The following RAB11FIP4 variants were observed in gnomAD, a reference collection of about 807,000 sequenced individuals.
RAB11FIP4 encodes rab11 family-interacting protein 4.
In RAB11FIP4, 23 loss-of-function variants were observed where a neutral mutation model predicts 74.3. That is an observed-to-expected ratio of 0.31 (90% confidence interval 0.22 to 0.44). RAB11FIP4 has a LOEUF of 0.44. Ranked by LOEUF, RAB11FIP4 falls within the 20% of genes least tolerant of loss-of-function variation. RAB11FIP4 has a pLI of 1.00. For missense variants in RAB11FIP4, 630 were observed against 863.9 expected (o/e 0.73, Z 3.39); for synonymous variants, 360 against 359.9 (o/e 1.00, Z 0.00).
At chr17:31,447,792 G>C (rs1187926066) in intron 3 of RAB11FIP4, among the ~76,000 whole-genome samples, 8 of 152,086 alleles carry the variant, frequency 5.3e-5, no homozygotes, top group Non-Finnish European at 8.8e-5. Context: ...CAAATTGCTG[G>C]GATTACAGGC....
intron 3 of RAB11FIP4, among the ~76,000 whole-genome samples, chr17:31,461,127 C>T (rs1039985462): frequency 2.6e-5 from 4 of 151,558 alleles, no homozygotes; most frequent in African/African-American, 7.3e-5. Flanking sequence ...CCCCCTGACT[C>T]CCACCCTTAG....
rs112130736 is a variant in RAB11FIP4, at chr17:31,417,817, G to T, written c.160-13996G>T. On this transcript the variant is annotated intron_variant, in intron 1 of 14. Transcript: ENST00000621161. ...GATCTGATTTTTCAAGAAAAGCCAG[G>T]GGCTGGGCATGGGGGCTATGCCTGT... Among the ~76,000 whole-genome samples the T allele has an allele frequency of 2.6e-3, 402 of 152,332 alleles. 4 individuals carry two copies. Among genetic ancestry groups the T allele is most frequent in the African/African-American group, 8.7e-3 (363 of 41,568 alleles).
intron 3 of RAB11FIP4, among the ~76,000 whole-genome samples, chr17:31,516,597 G>A (rs967574608): frequency 1.3e-5 from 2 of 152,224 alleles, no homozygotes; most frequent in Non-Finnish European, 2.9e-5. Context: ...AGCCTCCCGA[G>A]TAGCTGGGAC....
intron 3 of RAB11FIP4, among the ~76,000 whole-genome samples, chr17:31,463,803 C>CT (rs60955293): frequency 0.016 from 536 of 32,818 alleles, 95 homozygotes; most frequent in East Asian, 0.11. Context: ...TGCGCCTGGA[C>CT]TTTTTTTTTT....
chr17:31,426,376 G>A (rs2071249704), intron 1 of RAB11FIP4, among the ~76,000 whole-genome samples: 1 of 152,066 alleles, frequency 6.6e-6, no homozygotes, highest in South Asian at 2.1e-4. Context: ...TTAAAATGGG[G>A]GACTATAATA....
intron 1 of RAB11FIP4, among the ~76,000 whole-genome samples, chr17:31,430,353 T>A (rs2071296527): frequency 1.5e-5 from 1 of 65,612 alleles, no homozygotes; most frequent in Non-Finnish European, 2.8e-5. Context: ...GGAGTTTGGA[T>A]TTTTTTTTTT....
intron 1 of RAB11FIP4, among the ~76,000 whole-genome samples, chr17:31,421,208 G>A (rs1035045556): frequency 6.6e-6 from 1 of 151,740 alleles, no homozygotes; most frequent in African/African-American, 2.4e-5. Context: ...TTTTTTGCTT[G>A]TTTTAAAATT....
intron 1 of RAB11FIP4, among the ~76,000 whole-genome samples, chr17:31,419,032 G>T (rs1467855802): frequency 6.6e-6 from 1 of 152,118 alleles, no homozygotes; most frequent in Non-Finnish European, 1.5e-5. Context: ...GAATCATACA[G>T]TTTGTAACCT....
At chr17:31,434,204 G>A in intron 3 of RAB11FIP4, 82 bp downstream of exon 3, 1 of 1,201,000 alleles carries the variant, frequency 8.3e-7, no homozygotes, top group Non-Finnish European at 1.2e-6. Context: ...TTCAGTATCT[G>A]GGAGGACCCA....
intron 3 of RAB11FIP4, among the ~76,000 whole-genome samples, chr17:31,434,912 G>A (rs76727947): frequency 2.0e-3 from 307 of 152,324 alleles, no homozygotes; most frequent in African/African-American, 7.1e-3. Flanking sequence ...TAGGCCTGGC[G>A]TGATGGCTGA....
intron 6 of RAB11FIP4, 21 bp downstream of exon 6, chr17:31,522,070 G>T (rs545436454): frequency 1.2e-6 from 2 of 1,613,552 alleles, no homozygotes; most frequent in South Asian, 1.1e-5. Flanking sequence ...GGCCCAGCTG[G>T]GGGGTGAGAG....
At chr17:31,431,949 G>T (rs773056193) in intron 2 of RAB11FIP4, 49 bp downstream of exon 2, 3 of 1,370,376 alleles carry the variant, frequency 2.2e-6, no homozygotes, top group South Asian at 2.4e-5. Context: ...GTCCTGCCCA[G>T]CTGGGGAAGC....
intron 14 of RAB11FIP4, chr17:31,531,238 G>A (rs757894043): frequency 4.7e-5 from 9 of 190,526 alleles, no homozygotes; most frequent in Middle Eastern, 2.3e-3. Context: ...GTGGGGAGAG[G>A]TGTTCCAGGC....
intron 3 of RAB11FIP4, among the ~76,000 whole-genome samples, chr17:31,438,533 C>T (rs900485439): frequency 1.3e-5 from 2 of 152,096 alleles, no homozygotes; most frequent in Non-Finnish European, 2.9e-5. Context: ...ACAGCCACTG[C>T]CACCCACTGA....
At position 31,404,793 on chromosome 17, in the gene RAB11FIP4, A is replaced by G. The variant is rs572989423; in HGVS notation, c.159+12782A>G. On this transcript the variant is annotated intron_variant, in intron 1 of 14. Coordinates refer to ENST00000621161, the MANE Select transcript of RAB11FIP4 (RefSeq NM_032932.6). ...GTGCGGGCTTGTGCAGGTGTGGCTG[A>G]GGCATGAAGATAGGAGAGTCACTCT... 3.3e-3 allele frequency among the ~76,000 whole-genome samples: 508 copies of G among 152,214 alleles called. 3 individuals carry two copies. The highest frequency in any genetic ancestry group is 6.0e-3 in the Non-Finnish European group (411 of 68,000).
intron 1 of RAB11FIP4, among the ~76,000 whole-genome samples, chr17:31,411,159 C>T (rs1227615702): frequency 2.6e-5 from 4 of 152,026 alleles, no homozygotes; most frequent in East Asian, 3.9e-4. Flanking sequence ...GTCAACAGAT[C>T]GAGACCATCC....
chr17:31,415,805 C>T (rs936484991), intron 1 of RAB11FIP4, among the ~76,000 whole-genome samples: 4 of 152,122 alleles, frequency 2.6e-5, no homozygotes, highest in East Asian at 1.9e-4. Flanking sequence ...CTCACCTCAG[C>T]CCCCCTGCGG....
Position 31,530,665 on chromosome 17 carries a change from G to A in RAB11FIP4, c.1797+196G>A, listed in dbSNP as rs78955669. Among the ~76,000 whole-genome samples the A allele has an allele frequency of 3.6e-3, 553 of 152,326 alleles. 6 individuals are homozygous for A. The highest frequency in any genetic ancestry group is 6.8e-3 in the Non-Finnish European group (465 of 68,024). ...AGAAGTTAAGTCAGCTCTGAGTTCC[G>A]CCTGTGCTGGAAGGAGTGCGGGTTT... On this transcript the variant is annotated intron_variant, in intron 14 of 14. Transcript: ENST00000621161.
intron 1 of RAB11FIP4, among the ~76,000 whole-genome samples, chr17:31,404,801 A>C (rs2071027841): frequency 6.6e-6 from 1 of 152,112 alleles, no homozygotes; most frequent in Non-Finnish European, 1.5e-5. Flanking sequence ...TGAGGCATGA[A>C]GATAGGAGAG....
Sources: gnomAD v4.1 joint callset for allele counts (sites outside exome capture counted in the v4.1 genomes callset) on GRCh38, gnomAD v4.1.1 for gene constraint, MANE v1.5 for transcripts, NCBI Gene and HGNC (gene_info 2026-07-23, HGNC 2026-07-21) for gene names.